NCF2: variants seen among roughly 807,000 people sequenced by gnomAD.
The protein encoded by NCF2 is neutrophil cytosolic factor 2.
NCF2 carries 45 observed loss-of-function variants against 70.9 expected under a neutral mutation model. The observed-to-expected ratio is 0.63, with a 90% CI of 0.50 to 0.81. The LOEUF (loss-of-function observed/expected upper bound fraction) is 0.81, where lower values mean the gene tolerates loss of function less well. Among genes scored for constraint, NCF2 ranks in the 40% least tolerant of loss-of-function variants. The pLI is 0.00. For missense variants in NCF2, 522 were observed against 631.6 expected, an observed-to-expected ratio of 0.83 and a Z score of 1.86; for synonymous variants, 203 against 233.6, an observed-to-expected ratio of 0.87 and a Z score of 1.19.
chr1:183,599,466 C>CTT, the NCF2 span, among the ~76,000 whole-genome samples: 1 of 137,542 alleles, frequency 7.3e-6, no homozygotes, highest in African/African-American at 2.9e-5. Context: ...TTCTTTCTTT[C>CTT]TTTCTTTCTT....
intron 7 of NCF2, among the ~76,000 whole-genome samples, chr1:183,568,636 G>A (rs1046006379): frequency 3.3e-5 from 5 of 150,690 alleles, no homozygotes; most frequent in Non-Finnish European, 7.4e-5. Flanking sequence ...AGCATGTGCC[G>A]ATAGGGAGTG....
At chr1:183,572,856 G>T (rs535597291) in intron 5 of NCF2, among the ~76,000 whole-genome samples, 2 of 152,226 alleles carry the variant, frequency 1.3e-5, no homozygotes, top group South Asian at 2.1e-4. Flanking sequence ...GAGCTACCCT[G>T]CCTGGCCCTC....
intron 5 of NCF2, among the ~76,000 whole-genome samples, chr1:183,571,911 TG>T (rs1672582033): frequency 6.6e-6 from 1 of 152,240 alleles, no homozygotes; most frequent in African/African-American, 2.4e-5. Flanking sequence ...CCATCCATGT[TG>T]TATCATGAAT....
chr1:183,565,926 G>A lies in NCF2; in HGVS notation c.925-147C>T. On this transcript the variant is annotated intron_variant, in intron 9 of 14. Coordinates refer to ENST00000367535, the MANE Select transcript of NCF2 (RefSeq NM_000433.4). The stretch of plus-strand genomic sequence containing the variant: ...AAGTTGGAATGGTAGTGACATTTGG[G>A]GAAGACGAAGGAAATGTTGGCCAAA... 4 of 767,938 alleles carry A rather than the reference G, an allele frequency of 5.2e-6. No homozygotes were observed. In the South Asian group the frequency reaches 6.2e-5, roughly 12 times the overall value. The allele number at this position is 767,938 out of a possible 1,614,324, so 47.6% of individuals were successfully genotyped here.
At chr1:183,579,459 G>T (rs564976643) in intron 2 of NCF2, among the ~76,000 whole-genome samples, 28 of 152,178 alleles carry the variant, frequency 1.8e-4, no homozygotes, top group African/African-American at 6.5e-4. Flanking sequence ...GGGCGCAGTG[G>T]CTCACGCCTG....
Position 183,565,746 on chromosome 1 carries a change from G to A in NCF2, c.958C>T (p.Pro320Ser), listed in dbSNP as rs755778188. ...ESSPQSDIPA[P>S]PSSKAPGRPQ... is the part of the protein sequence containing the mutation. ...CTTCCAGGGGCTTTGGAACTAGGAG[G>A]AGCTGGGATGTCGGACTGCGGAGAG... The change falls in exon 10 of 15, where the codon CCT (proline) becomes TCT (serine). Residue 320 changes from proline (P) to serine (S), a missense_variant. Coordinates refer to ENST00000367535, the MANE Select transcript of NCF2 (RefSeq NM_000433.4). 1.2e-6 allele frequency: 2 copies of A among 1,613,114 alleles called. No individual in the cohort carries two copies. Among genetic ancestry groups the A allele is most frequent in the South Asian group, 2.2e-5 (2 of 91,036 alleles).
chr1:183,579,568 TA>T (rs1558102286), intron 2 of NCF2, among the ~76,000 whole-genome samples: 1 of 150,646 alleles, frequency 6.6e-6, no homozygotes, highest in Admixed American at 6.6e-5. Context: ...CTACTAAAAA[TA>T]AAAAAATAAA....
intron 4 of NCF2, 98 bp from the exon 5 acceptor site, chr1:183,573,390 T>G (rs1343947842): frequency 1.8e-6 from 2 of 1,118,134 alleles, no homozygotes; most frequent in Non-Finnish European, 2.7e-6. Context: ...TTCATTGAGA[T>G]AACCACATAG....
Position 183,565,761 on chromosome 1 carries a change from A to C in NCF2, c.943T>G (p.Ser315Ala). ...GAACTAGGAGGAGCTGGGATGTCGG[A>C]CTGCGGAGAGCTTTCCTCCTGAAGG... is the stretch of plus-strand genomic sequence containing the variant. ...QQPQEESSPQ[S>A]DIPAPPSSKA... Residue 315 changes from serine to alanine, a missense_variant, in exon 10 of 15, where the codon TCC (serine) becomes GCC (alanine). By Grantham distance (99) the Ser-to-Ala change is moderately conservative. Coordinates refer to ENST00000367535, the MANE Select transcript of NCF2 (RefSeq NM_000433.4). The C allele has an allele frequency of 6.2e-7, 1 of 1,613,436 alleles. No individual in the cohort carries two copies. Among genetic ancestry groups the C allele is most frequent in the South Asian group, 1.1e-5 (1 of 91,040 alleles).
At position 183,556,081 on chromosome 1, in the gene NCF2, G is replaced by T. The variant is rs1558087919; in HGVS notation, c.*37C>A. On this transcript the variant is annotated 3_prime_UTR_variant, in exon 15 of 15. Coordinates refer to ENST00000367535, the MANE Select transcript of NCF2 (RefSeq NM_000433.4). ...CTAAATCTTACAAACAAGTAATAGG[G>T]CTTCATTTTCTTCAGCTTTGTAGTT... The T allele has an allele frequency of 1.3e-6, 2 of 1,529,526 alleles. No homozygotes were observed. The highest frequency in any genetic ancestry group is 4.5e-5 in the East Asian group (2 of 44,506). The allele number at this position is 1,529,526 out of a possible 1,614,324, so 94.7% of individuals were successfully genotyped here. A position where few individuals can be genotyped will look rare whatever the true frequency, so the allele number is the denominator to read the frequency against.
At chr1:183,589,358 A>G (rs1369359119) in intron 1 of NCF2, among the ~76,000 whole-genome samples, 1 of 152,246 alleles carries the variant, frequency 6.6e-6, no homozygotes, top group Non-Finnish European at 1.5e-5. Flanking sequence ...AAACTCAGGA[A>G]GCTGAAAGCC....
chr1:183,577,744 G>A (rs377173805), intron 2 of NCF2, 37 bp from the exon 3 acceptor site: 16 of 1,382,522 alleles, frequency 1.2e-5, no homozygotes, highest in Non-Finnish European at 1.7e-5. Context: ...CAGTCTAGTG[G>A]ATGGAGAAAT....
intron 7 of NCF2, 32 bp from the exon 8 acceptor site, chr1:183,567,377 A>G: frequency 2.5e-6 from 4 of 1,612,876 alleles, no homozygotes; most frequent in Non-Finnish European, 2.5e-6. Context: ...TCCAGCCCCC[A>G]TCCCCTCACA....
chr1:183,590,123 A>G (rs1673571695), intron 1 of NCF2, 33 bp downstream of exon 1: 2 of 1,613,714 alleles, frequency 1.2e-6, no homozygotes, highest in African/African-American at 1.3e-5. Context: ...ACAAATGCAC[A>G]GAGGAGGCCC....
At chr1:183,591,478 T>C (rs1673641707), upstream of NCF2, among the ~76,000 whole-genome samples, 1 of 149,174 alleles carries the variant, frequency 6.7e-6, no homozygotes, top group African/African-American at 2.5e-5. Flanking sequence ...GGGCCTGAAA[T>C]AACTTTTTTT....
upstream of NCF2, among the ~76,000 whole-genome samples, chr1:183,594,415 G>A (rs928098972): frequency 6.6e-6 from 1 of 152,140 alleles, no homozygotes; most frequent in African/African-American, 2.4e-5. Flanking sequence ...TCTCTTAAAA[G>A]ATAAAAATAA....
At chr1:183,581,203 G>T (rs1673046770) in intron 2 of NCF2, among the ~76,000 whole-genome samples, 1 of 144,688 alleles carries the variant, frequency 6.9e-6, no homozygotes, top group African/African-American at 2.6e-5. Flanking sequence ...AATCACCTGA[G>T]CCCAGGAAGT....
At chr1:183,576,297 A>G (rs1012872366) in intron 3 of NCF2, among the ~76,000 whole-genome samples, 27 of 152,110 alleles carry the variant, frequency 1.8e-4, no homozygotes, top group Admixed American at 9.8e-4. Flanking sequence ...TTTAACCCCA[A>G]CTCCAGGGGA....
chr1:183,556,941 GTAAACTTTC>G (rs1298142064), intron 14 of NCF2, among the ~76,000 whole-genome samples: 1 of 152,182 alleles, frequency 6.6e-6, no homozygotes, highest in African/African-American at 2.4e-5. Flanking sequence ...AAGTTCTTTA[GTAAACTTTC>G]TTCTTTTCAC....
Sources: allele counts gnomAD v4.1 joint callset (sites outside exome capture counted in the v4.1 genomes callset), GRCh38; gene constraint gnomAD v4.1.1; transcripts MANE v1.5; gene names NCBI Gene and HGNC (gene_info 2026-07-23, HGNC 2026-07-21).